The following COL5A2 variants were observed in gnomAD, a reference collection of about 807,000 sequenced individuals.
COL5A2 encodes the protein collagen type V alpha 2 chain.
COL5A2 carries 23 observed loss-of-function variants against 208.2 expected under a neutral mutation model. That is an observed-to-expected ratio of 0.11 (90% confidence interval 0.08 to 0.16). The LOEUF is 0.16. Among genes scored for constraint, COL5A2 ranks in the 10% least tolerant of loss-of-function variants. The pLI, the probability that COL5A2 is intolerant of heterozygous loss-of-function variation, is 1.00. For synonymous variants in COL5A2, 625 were observed against 628.5 expected (o/e 0.99, Z 0.08); for missense variants, 1,590 against 1,956.4 (o/e 0.81, Z 3.53).
the COL5A2 span, chr2:189,311,838 C>T: frequency 2.3e-5 from 30 of 1,282,782 alleles, no homozygotes; most frequent in South Asian, 5.9e-5. Flanking sequence ...TCTACCTCCA[C>T]GGTCAAGCCA....
rs1685959192 is a variant in COL5A2, at chr2:189,058,830, T to C, written c.2130+19A>G. 6.2e-7 allele frequency: 1 copy of C among 1,610,986 alleles called. No individual in the cohort carries two copies. The highest frequency in any genetic ancestry group is 8.5e-7 in the Non-Finnish European group (1 of 1,177,572). On this transcript the variant is annotated intron_variant, in intron 32 of 53. Coordinates refer to ENST00000374866, the MANE Select transcript of COL5A2 (RefSeq NM_000393.5). Reference sequence around the variant, plus strand: ...AGCCAGTGGGAAACAACATTAATCATGAAGATTAAAATACTTACTCTAGGT... The same window carrying C: ...AGCCAGTGGGAAACAACATTAATCACGAAGATTAAAATACTTACTCTAGGT...
chr2:189,045,069 C>T (rs1685636451), intron 47 of COL5A2, 110 bp downstream of exon 47: 1 of 633,630 alleles, frequency 1.6e-6, no homozygotes, highest in Non-Finnish European at 2.6e-6. Flanking sequence ...TATTTTTGTT[C>T]AAGCTTGAGG....
chr2:189,146,281 A>G (rs1378799459), intron 1 of COL5A2, among the ~76,000 whole-genome samples: 2 of 152,186 alleles, frequency 1.3e-5, no homozygotes, highest in Non-Finnish European at 2.9e-5. Flanking sequence ...TATGAACCTT[A>G]CTTATTCTAT....
chr2:189,048,082 C>T (rs889057522), intron 45 of COL5A2, 127 bp downstream of exon 45: 7 of 799,278 alleles, frequency 8.8e-6, no homozygotes, highest in Non-Finnish European at 1.3e-5. Context: ...TTTACAGAAA[C>T]AGTTGTTATT....
chr2:189,059,585 G>GTTTTTGTTTTTTTTTTTTTTTT (rs1685978970), intron 31 of COL5A2, among the ~76,000 whole-genome samples: 1 of 28,594 alleles, frequency 3.5e-5, no homozygotes, highest in Non-Finnish European at 7.4e-5. Context: ...TTCTTTTCTG[G>GTTTTTGTTTTTTTTTTTTTTTT]TTTTTTTTTT....
At chr2:189,287,899 C>G in the COL5A2 span, among the ~76,000 whole-genome samples, 1 of 152,258 alleles carries the variant, frequency 6.6e-6, no homozygotes, top group East Asian at 1.9e-4. Flanking sequence ...TAATATTTAT[C>G]TCTTAATGTC....
the COL5A2 span, among the ~76,000 whole-genome samples, chr2:189,390,746 T>C: frequency 1.3e-5 from 2 of 152,220 alleles, no homozygotes; most frequent in East Asian, 3.9e-4. Flanking sequence ...AACTGCAATC[T>C]TCACTTTACA....
intron 1 of COL5A2, among the ~76,000 whole-genome samples, chr2:189,145,620 A>G (rs1035259890): frequency 2.6e-5 from 4 of 151,970 alleles, no homozygotes; most frequent in Admixed American, 6.6e-5. Context: ...TTTAAAAACT[A>G]TGGCCAATTA....
the COL5A2 span, among the ~76,000 whole-genome samples, chr2:189,279,456 G>T: frequency 7.4e-5 from 11 of 149,578 alleles, no homozygotes; most frequent in Admixed American, 2.0e-4. Flanking sequence ...AAGTTGCATA[G>T]ATAGTTATAG....
In COL5A2 at chr2:189,187,468, T is replaced by C. The variant is rs149440878; in HGVS notation, c.-42+37680A>G. ...GTCATGATGAAAACATCACGTCTTT[T>C]CTGCTTTTCAATTTCCTCATCTGAA... On this transcript the variant is annotated intron_variant, in intron 1 of 10. Coordinates refer to the COL5A2 transcript ENST00000649966. 8.7e-3 allele frequency among the ~76,000 whole-genome samples: 1,326 copies of C among 152,296 alleles called. 36 individuals carry two copies. Among genetic ancestry groups the C allele is most frequent in the Admixed American group, 0.051 (784 of 15,278 alleles).
chr2:189,044,139 A>G (rs1454200325), intron 47 of COL5A2, among the ~76,000 whole-genome samples: 2 of 152,198 alleles, frequency 1.3e-5, no homozygotes, highest in Non-Finnish European at 2.9e-5. Context: ...GTGTTTTCCC[A>G]AAAGATAACT....
At chr2:189,060,628 G>T in intron 31 of COL5A2, 102 bp downstream of exon 31, 1 of 981,074 alleles carries the variant, frequency 1.0e-6, no homozygotes, top group Non-Finnish European at 1.6e-6. Flanking sequence ...AACTCAAAGA[G>T]ATAATGTATG....
At chr2:189,432,907 C>G in the COL5A2 span, among the ~76,000 whole-genome samples, 1 of 152,160 alleles carries the variant, frequency 6.6e-6, no homozygotes, top group Admixed American at 6.5e-5. Flanking sequence ...CGCCCTCATT[C>G]TAAAATTGAC....
At chr2:189,235,241 A>G in the COL5A2 span, among the ~76,000 whole-genome samples, 1 of 151,792 alleles carries the variant, frequency 6.6e-6, no homozygotes, top group Non-Finnish European at 1.5e-5. Context: ...TAAATAGTAC[A>G]TATTTTTAAT....
chr2:189,180,024 TA>T (rs1427591776), upstream of COL5A2: 1 of 384,758 alleles, frequency 2.6e-6, no homozygotes, highest in Non-Finnish European at 4.6e-6. Context: ...GAAAGGCTGT[TA>T]GAAGAAAAGG....
At chr2:189,214,830 T>C (rs1689258945) in intron 1 of COL5A2, among the ~76,000 whole-genome samples, 1 of 152,196 alleles carries the variant, frequency 6.6e-6, no homozygotes. Context: ...TTCTTCCATA[T>C]GGATAATATA....
At chr2:189,207,895 C>G (rs559252379) in intron 1 of COL5A2, among the ~76,000 whole-genome samples, 1 of 152,110 alleles carries the variant, frequency 6.6e-6, no homozygotes, top group Non-Finnish European at 1.5e-5. Flanking sequence ...TGTTTCTGAT[C>G]GCTACTCTTG....
At chr2:189,415,768 T>A in the COL5A2 span, among the ~76,000 whole-genome samples, 1 of 152,172 alleles carries the variant, frequency 6.6e-6, no homozygotes, top group Non-Finnish European at 1.5e-5. Flanking sequence ...CACGCCAGTC[T>A]CCTGCCTCAG....
chr2:189,375,072 C>G, the COL5A2 span, among the ~76,000 whole-genome samples: 1 of 151,016 alleles, frequency 6.6e-6, no homozygotes, highest in African/African-American at 2.4e-5. Flanking sequence ...GCTGAAGTGC[C>G]ATGGCACAAT....
Sources: gnomAD v4.1 joint callset for allele counts (sites outside exome capture counted in the v4.1 genomes callset) on GRCh38, gnomAD v4.1.1 for gene constraint, MANE v1.5 for transcripts, NCBI Gene and HGNC (gene_info 2026-07-23, HGNC 2026-07-21) for gene names.